NUBP1: variants seen among roughly 807,000 people sequenced by gnomAD.
The protein encoded by NUBP1 is NUBP iron-sulfur cluster assembly factor 1, cytosolic, also known as cytosolic Fe-S cluster assembly factor NUBP1.
A neutral mutation model predicts 41.8 loss-of-function variants in NUBP1; 46 were observed. The ratio of observed to expected loss-of-function variants is 1.10; its 90% CI spans 0.87 to 1.41. The LOEUF (loss-of-function observed/expected upper bound fraction) is 1.41, where lower values mean the gene tolerates loss of function less well. Ranked by LOEUF, NUBP1 falls within the 40% of genes most tolerant of loss-of-function variation. The probability of loss-of-function intolerance (pLI) is 0.00; values close to 1 mark genes in which losing one functional copy is unlikely to be tolerated. For synonymous variants in NUBP1, 189 were observed against 154.6 expected, an observed-to-expected ratio of 1.22 and a Z score of -1.65; for missense variants, 494 against 414.0, an observed-to-expected ratio of 1.19 and a Z score of -1.68.
chr16:10,761,418 C>G lies in NUBP1; in HGVS notation c.661C>G (p.Leu221Val). 6.2e-7 allele frequency: 1 copy of G among 1,614,178 alleles called. No individual in the cohort carries two copies. Among genetic ancestry groups the G allele is most frequent in the Non-Finnish European group, 8.5e-7 (1 of 1,180,022 alleles). The change falls in exon 8 of 11, where the codon CTG (leucine) becomes GTG (valine). Residue 221 changes from leucine to valine, a missense_variant. Transcript: ENST00000283027. ...AATCAACTTCTGCCGCAAGGTGAAG[C>G]TGCCCATCATCGGGGTGGTGGAGAA... ...KEINFCRKVK[L>V]PIIGVVENMS...
At chr16:10,762,092 TG>T (rs2030007238) in intron 9 of NUBP1, 1 of 447,582 alleles carries the variant, frequency 2.2e-6, no homozygotes, top group Admixed American at 3.6e-5. Flanking sequence ...GGGTGAGGCC[TG>T]GAAGAATGGG....
In NUBP1 at chr16:10,759,184, G is replaced by A. The variant is rs377047813; in HGVS notation, c.606+1157G>A. On this transcript the variant is annotated intron_variant, in intron 7 of 10. Coordinates refer to ENST00000283027, the MANE Select transcript of NUBP1 (RefSeq NM_002484.4). The surrounding 1 kb of genome is among the most constrained non-coding windows in gnomAD (Gnocchi z 4.7). ...TGCCGGGCACCAGGGCAGTAAAAAG[G>A]CCTGGCTCTCCCTGGTGGCCCCTGT... 3.9e-5 allele frequency among the ~76,000 whole-genome samples: 6 copies of A among 152,264 alleles called. No homozygotes were observed. The highest frequency in any genetic ancestry group is 1.4e-4 in the African/African-American group (6 of 41,470).
chr16:10,762,784 G>A (rs183368411), intron 9 of NUBP1, among the ~76,000 whole-genome samples: 186 of 152,226 alleles, frequency 1.2e-3, no homozygotes, highest in African/African-American at 4.1e-3. Context: ...GTGAAGTATG[G>A]CCTGGCCAGG....
chr16:10,754,890 C>G (rs1900483375), intron 4 of NUBP1, among the ~76,000 whole-genome samples: 1 of 151,864 alleles, frequency 6.6e-6, no homozygotes, highest in African/African-American at 2.4e-5. Flanking sequence ...ACAAAAAATA[C>G]AAAAATTAGC....
At chr16:10,762,812 T>A (rs1340710487) in intron 9 of NUBP1, among the ~76,000 whole-genome samples, 8 of 140,600 alleles carry the variant, frequency 5.7e-5, no homozygotes, top group African/African-American at 2.1e-4. Flanking sequence ...GGGGGCCGCG[T>A]GCTTGGGGAG....
intron 3 of NUBP1, 59 bp downstream of exon 3, chr16:10,747,335 T>C: frequency 1.3e-6 from 2 of 1,592,840 alleles, no homozygotes; most frequent in Non-Finnish European, 1.7e-6. Flanking sequence ...TGATGGCTAC[T>C]AAATAACTGA....
Position 10,757,164 on chromosome 16 carries a change from G to C in NUBP1, c.451+384G>C, listed in dbSNP as rs544326624. Among the ~76,000 whole-genome samples, 1 of 152,200 alleles carries C rather than the reference G, an allele frequency of 6.6e-6. No individual in the cohort carries two copies. The highest frequency in any genetic ancestry group is 1.5e-5 in the Non-Finnish European group (1 of 68,010). On this transcript the variant is annotated intron_variant, in intron 6 of 10. Coordinates refer to ENST00000283027, the MANE Select transcript of NUBP1 (RefSeq NM_002484.4). The surrounding 1 kb of genome is among the most constrained non-coding windows in gnomAD (Gnocchi z 4.1). Reference sequence around the variant, plus strand: ...AAAACATAAAAAATTAGCCGAGCATGGTGGCACGTACCTGTAATCCCAGCT... The same window carrying C: ...AAAACATAAAAAATTAGCCGAGCATCGTGGCACGTACCTGTAATCCCAGCT...
intron 3 of NUBP1, among the ~76,000 whole-genome samples, chr16:10,747,872 A>C (rs1284043867): frequency 6.6e-6 from 1 of 152,220 alleles, no homozygotes; most frequent in Admixed American, 6.5e-5. Context: ...AGGGACCTGC[A>C]AACTATAGCC....
In NUBP1 at chr16:10,769,033, G is replaced by A. The variant is rs201618624; in HGVS notation, c.905-14G>A. On this transcript the variant is annotated splice_polypyrimidine_tract_variant and intron_variant, in intron 10 of 10. Transcript: ENST00000283027. Reference sequence around the variant, plus strand: ...AAGCCATTAGCACTCTATGCCTGTCGTCTTGTTTTCCAGGAATCCAAGAGT... The same window carrying A: ...AAGCCATTAGCACTCTATGCCTGTCATCTTGTTTTCCAGGAATCCAAGAGT... 5.8e-5 allele frequency: 93 copies of A among 1,613,750 alleles called. No homozygotes were observed. The highest frequency in any genetic ancestry group is 6.7e-5 in the East Asian group (3 of 44,878).
At chr16:10,748,776 A>G (rs1413024277) in intron 3 of NUBP1, among the ~76,000 whole-genome samples, 6 of 152,146 alleles carry the variant, frequency 3.9e-5, no homozygotes, top group Non-Finnish European at 7.4e-5. Flanking sequence ...TACCCAAGGT[A>G]TAGTACTGGG....
Position 10,765,675 on chromosome 16 carries a change from C to T in NUBP1, c.821-2274C>T, listed in dbSNP as rs1282322067. Reference sequence around the variant, plus strand: ...GAGCCAGCAACCTCCATCTTCCCACCTCCCTCACACCAAGCCCTGGCATTG... The same window carrying T: ...GAGCCAGCAACCTCCATCTTCCCACTTCCCTCACACCAAGCCCTGGCATTG... On this transcript the variant is annotated intron_variant, in intron 9 of 10. Transcript: ENST00000283027. This position sits in a 1 kb window ranked among gnomAD's most constrained non-coding sequence, Gnocchi z 4.0. 6.6e-6 allele frequency among the ~76,000 whole-genome samples: 1 copy of T among 152,226 alleles called. No homozygotes were observed. Among genetic ancestry groups the T allele is most frequent in the East Asian group, 1.9e-4 (1 of 5,202 alleles).
In NUBP1 at chr16:10,768,976, C is replaced by T. The variant is rs1186663886; in HGVS notation, c.905-71C>T. 3.5e-6 allele frequency: 5 copies of T among 1,413,046 alleles called. No homozygotes were observed. The highest frequency in any genetic ancestry group is 1.4e-5 in the African/African-American group (1 of 70,458). The allele number at this position is 1,413,046 out of a possible 1,614,324, so 87.5% of individuals were successfully genotyped here. A position where few individuals can be genotyped will look rare whatever the true frequency, so the allele number is the denominator to read the frequency against. On this transcript the variant is annotated intron_variant, in intron 10 of 10. Coordinates refer to ENST00000283027, the MANE Select transcript of NUBP1 (RefSeq NM_002484.4). The surrounding 1 kb of genome is among the most constrained non-coding windows in gnomAD (Gnocchi z 4.3). ...CACCCCTGTCAAAACACAGCCCTCC[C>T]CAGCACAGGACAGGGCTGTCAAGGG...
intron 3 of NUBP1, among the ~76,000 whole-genome samples, chr16:10,748,128 T>C (rs1418340553): frequency 1.3e-5 from 2 of 152,116 alleles, no homozygotes; most frequent in Non-Finnish European, 1.5e-5. Context: ...TTTTTGGGTT[T>C]TTTGTAGAGA....
In NUBP1 at chr16:10,766,455, G is replaced by A. The variant is rs1166603646; in HGVS notation, c.821-1494G>A. Among the ~76,000 whole-genome samples the A allele has an allele frequency of 6.6e-6, 1 of 152,124 alleles. No individual in the cohort carries two copies. Among genetic ancestry groups the A allele is most frequent in the Non-Finnish European group, 1.5e-5 (1 of 68,016 alleles). ...GAGCATATATGTGTGTTGGGGGCTG[G>A]GGAGCCCTCTGGGGAAGGGAGACCT... On this transcript the variant is annotated intron_variant, in intron 9 of 10. Coordinates refer to ENST00000283027, the MANE Select transcript of NUBP1 (RefSeq NM_002484.4). The surrounding 1 kb of genome is among the most constrained non-coding windows in gnomAD (Gnocchi z 4.8).
In NUBP1 at chr16:10,744,075, G is replaced by C. The variant is rs2233532; in HGVS notation, c.124+10G>C. The C allele has an allele frequency of 8.9e-6, 14 of 1,567,280 alleles. No individual in the cohort carries two copies. Among genetic ancestry groups the C allele is most frequent in the African/African-American group, 1.4e-5 (1 of 72,632 alleles). On this transcript the variant is annotated intron_variant, in intron 2 of 10. Coordinates refer to ENST00000283027, the MANE Select transcript of NUBP1 (RefSeq NM_002484.4). ...GCCACTCCGGACACGGGTGAGAAAA[G>C]GGCAAGGCCTCAACAGGAACTTAGA... is the stretch of plus-strand genomic sequence containing the variant.
At chr16:10,761,502 G>A (rs761553476) in intron 8 of NUBP1, 28 bp downstream of exon 8, 26 of 1,566,570 alleles carry the variant, frequency 1.7e-5, no homozygotes, top group Non-Finnish European at 2.1e-5. Context: ...TGCCAGGCGA[G>A]CAAGATCTTG....
In NUBP1 at chr16:10,749,440, C is replaced by T. The variant is rs371617723; in HGVS notation, c.258+2164C>T. 6.6e-6 allele frequency among the ~76,000 whole-genome samples: 1 copy of T among 152,112 alleles called. No homozygotes were observed. Among genetic ancestry groups the T allele is most frequent in the Non-Finnish European group, 1.5e-5 (1 of 68,040 alleles). On this transcript the variant is annotated intron_variant, in intron 3 of 10. Transcript: ENST00000283027. The surrounding 1 kb of genome is among the most constrained non-coding windows in gnomAD (Gnocchi z 4.1). ...ACGTTCTGAAGTCTTTGCTGCATGC[C>T]TGTCTAGACTTTGCAGTATACAGAA... is the stretch of plus-strand genomic sequence containing the variant.
At chr16:10,758,122 C>G in intron 7 of NUBP1, 95 bp downstream of exon 7, 5 of 1,419,146 alleles carry the variant, frequency 3.5e-6, no homozygotes, top group Non-Finnish European at 4.8e-6. Context: ...CTCACCAAGG[C>G]TCTTCCCAGT....
chr16:10,765,561 G>T lies in NUBP1; in HGVS notation c.821-2388G>T, dbSNP rs975970557. On this transcript the variant is annotated intron_variant, in intron 9 of 10. Coordinates refer to ENST00000283027, the MANE Select transcript of NUBP1 (RefSeq NM_002484.4). This position sits in a 1 kb window ranked among gnomAD's most constrained non-coding sequence, Gnocchi z 4.0. ...CTGACCCACCCAAATATGTCCACGG[G>T]CCCAGCCACAGGCCTGCCCTTGCCA... Among the ~76,000 whole-genome samples the T allele has an allele frequency of 6.6e-6, 1 of 152,100 alleles. No individual in the cohort carries two copies. Among genetic ancestry groups the T allele is most frequent in the Admixed American group, 6.5e-5 (1 of 15,268 alleles).
Sources: gnomAD v4.1 joint callset for allele counts (sites outside exome capture counted in the v4.1 genomes callset) on GRCh38, gnomAD v4.1.1 for gene constraint, Gnocchi (gnomAD v3.1) non-coding constraint, MANE v1.5 for transcripts, NCBI Gene and HGNC (gene_info 2026-07-23, HGNC 2026-07-21) for gene names.